TTLL5: variants seen among roughly 807,000 people sequenced by gnomAD.
TTLL5 encodes tubulin polyglutamylase TTLL5.
TTLL5 carries 132 observed loss-of-function variants against 168.4 expected under a neutral mutation model. The ratio of observed to expected loss-of-function variants is 0.78; its 90% CI spans 0.68 to 0.91. TTLL5 has a LOEUF of 0.91. Among genes scored for constraint, TTLL5 ranks in the 40% least tolerant of loss-of-function variants. TTLL5 has a pLI of 0.00. For missense variants in TTLL5, 1,545 were observed against 1,581.5 expected, an observed-to-expected ratio of 0.98 and a Z score of 0.39; for synonymous variants, 546 against 558.6, an observed-to-expected ratio of 0.98 and a Z score of 0.32.
At chr14:75,910,888 T>TA (rs1437135926) in intron 31 of TTLL5, among the ~76,000 whole-genome samples, 1 of 152,262 alleles carries the variant, frequency 6.6e-6, no homozygotes, top group East Asian at 1.9e-4. Context: ...AGTAGTCTCT[T>TA]ATACTTCTTT....
At chr14:75,769,831 T>C (rs184391428) in intron 20 of TTLL5, among the ~76,000 whole-genome samples, 4 of 152,318 alleles carry the variant, frequency 2.6e-5, no homozygotes, top group Admixed American at 1.3e-4. Flanking sequence ...TAAAGTGATA[T>C]ATGCTCTCTG....
chr14:75,749,333 A>G (rs1372096395), intron 17 of TTLL5, among the ~76,000 whole-genome samples: 1 of 152,198 alleles, frequency 6.6e-6, no homozygotes, highest in Non-Finnish European at 1.5e-5. Flanking sequence ...TCCAACAATG[A>G]TACCTTTCTT....
rs1309284455 is a variant in TTLL5, at chr14:75,709,392, G to A, written c.740+1685G>A. On this transcript the variant is annotated intron_variant, in intron 9 of 31. Coordinates refer to ENST00000298832, the MANE Select transcript of TTLL5 (RefSeq NM_015072.5). ...CCTCGCTGGTGGAGCTCTGTGTTCC[G>A]TTCGCCTCTAGGTGGCAGTCACAGC... The A allele has an allele frequency of 1.3e-5, 7 of 555,414 alleles. No homozygotes were observed. In the South Asian group the frequency reaches 1.4e-4, roughly 11 times the overall value. The allele number at this position is 555,414 out of a possible 1,614,324, so 34.4% of individuals were successfully genotyped here.
intron 21 of TTLL5, among the ~76,000 whole-genome samples, chr14:75,773,927 T>TATATATATAGAGAGAGAG (rs1354936334): frequency 9.5e-5 from 2 of 21,130 alleles, no homozygotes; most frequent in African/African-American, 2.9e-4. Flanking sequence ...TATATATATA[T>TATATATATAGAGAGAGAG]AGAGAGAGAG....
chr14:75,817,997 C>G (rs1362015196), intron 27 of TTLL5, among the ~76,000 whole-genome samples: 1 of 151,684 alleles, frequency 6.6e-6, no homozygotes, highest in African/African-American at 2.4e-5. Flanking sequence ...GCCACCACGC[C>G]CAGCTAATTT....
At chr14:75,765,458 AG>A (rs759096426) in intron 19 of TTLL5, among the ~76,000 whole-genome samples, 55 of 152,306 alleles carry the variant, frequency 3.6e-4, no homozygotes, top group Middle Eastern at 6.8e-3. Flanking sequence ...TACTAAGCCA[AG>A]GGTTTTTTGT....
chr14:75,831,682 G>A (rs1266180615), intron 28 of TTLL5, among the ~76,000 whole-genome samples: 1 of 152,206 alleles, frequency 6.6e-6, no homozygotes, highest in African/African-American at 2.4e-5. Flanking sequence ...GCTTTTCAGA[G>A]ACGCCAAATC....
chr14:75,852,641 C>T (rs1896922115), intron 28 of TTLL5, among the ~76,000 whole-genome samples: 2 of 152,112 alleles, frequency 1.3e-5, no homozygotes, highest in South Asian at 4.1e-4. Context: ...ACTCTTATCT[C>T]AAGGTGTAAA....
chr14:75,938,203 A>C (rs917301883), intron 31 of TTLL5, among the ~76,000 whole-genome samples: 14 of 152,254 alleles, frequency 9.2e-5, no homozygotes, highest in African/African-American at 3.4e-4. Flanking sequence ...ATGATGACTG[A>C]ATGTTAAACT....
At chr14:75,666,443 C>A (rs1000488921) in intron 2 of TTLL5, among the ~76,000 whole-genome samples, 2 of 152,224 alleles carry the variant, frequency 1.3e-5, no homozygotes, top group African/African-American at 2.4e-5. Context: ...GATATAGAAG[C>A]TTTCGTAGAA....
chr14:75,922,624 A>G (rs146398879), intron 31 of TTLL5, among the ~76,000 whole-genome samples: 19,568 of 152,214 alleles, frequency 0.13, 1,762 homozygotes, highest in African/African-American at 0.25. Context: ...TGCTGGATTC[A>G]GTTTGCCAGT....
rs199561825 is a variant in TTLL5, at chr14:75,921,621, A to T, written c.3823+19397A>T. On this transcript the variant is annotated intron_variant, in intron 31 of 31. Transcript: ENST00000298832. ...GTACCAGTACCATGCTGTTTTGGTT[A>T]CTGTAACCTTGTAGTATAGTTTGAA... is the stretch of plus-strand genomic sequence containing the variant. Among the ~76,000 whole-genome samples, 7 of 152,334 alleles carry T rather than the reference A, an allele frequency of 4.6e-5. No individual in the cohort carries two copies. The East Asian group carries it at 1.2e-3, about 25-fold the overall frequency.
At chr14:75,792,872 C>A (rs1210620077) in intron 26 of TTLL5, 44 bp from the exon 27 acceptor site, 12 of 1,492,004 alleles carry the variant, frequency 8.0e-6, no homozygotes, top group Non-Finnish European at 1.1e-5. Context: ...TTTTTTCAGG[C>A]CTTTTTTTCC....
chr14:75,737,427 C>T, intron 15 of TTLL5: 9 of 731,954 alleles, frequency 1.2e-5, no homozygotes, highest in Non-Finnish European at 1.9e-5. Context: ...AACCTTCCAA[C>T]CACAAAGTGT....
chr14:75,867,874 CTTCTAA>C (rs1017754861), intron 29 of TTLL5, among the ~76,000 whole-genome samples: 1 of 152,042 alleles, frequency 6.6e-6, no homozygotes, highest in African/African-American at 2.4e-5. Flanking sequence ...CAATGCATGT[CTTCTAA>C]TTCTGTCTTT....
At chr14:75,720,183 T>G (rs1887752473) in intron 11 of TTLL5, among the ~76,000 whole-genome samples, 1 of 152,200 alleles carries the variant, frequency 6.6e-6, no homozygotes, top group African/African-American at 2.4e-5. Context: ...CTCTCATTCA[T>G]GTTGCTGAGT....
At chr14:75,768,085 A>G (rs1035457159) in intron 20 of TTLL5, among the ~76,000 whole-genome samples, 1 of 152,204 alleles carries the variant, frequency 6.6e-6, no homozygotes, top group Non-Finnish European at 1.5e-5. Flanking sequence ...ACAGGATTGT[A>G]TAGTTGGTAG....
chr14:75,828,438 T>A (rs1895358292), intron 28 of TTLL5, among the ~76,000 whole-genome samples: 1 of 152,234 alleles, frequency 6.6e-6, no homozygotes, highest in Non-Finnish European at 1.5e-5. Flanking sequence ...TCTCAATAAA[T>A]TTTTTATTCT....
intron 29 of TTLL5, among the ~76,000 whole-genome samples, chr14:75,864,859 C>A (rs2030376808): frequency 6.6e-6 from 1 of 152,084 alleles, no homozygotes; most frequent in Non-Finnish European, 1.5e-5. Flanking sequence ...ACTAAAGCAA[C>A]ATTTCCCAAA....
Sources: allele counts gnomAD v4.1 joint callset (sites outside exome capture counted in the v4.1 genomes callset), GRCh38; gene constraint gnomAD v4.1.1; transcripts MANE v1.5; gene names NCBI Gene and HGNC (gene_info 2026-07-23, HGNC 2026-07-21).